PCOLCE2: variants seen among roughly 807,000 people sequenced by gnomAD.
The protein encoded by PCOLCE2 is procollagen C-endopeptidase enhancer 2.
Under a neutral mutation model 47.0 loss-of-function variants are expected in PCOLCE2, and 42 were observed. The ratio of observed to expected loss-of-function variants is 0.89; its 90% CI spans 0.70 to 1.16. PCOLCE2 has a LOEUF of 1.16. Ranked by LOEUF, PCOLCE2 falls within the 50% of genes most tolerant of loss-of-function variation. The probability of loss-of-function intolerance (pLI) is 0.00; values close to 1 mark genes in which losing one functional copy is unlikely to be tolerated. For missense variants in PCOLCE2, 500 were observed against 526.1 expected (o/e 0.95, Z 0.49); for synonymous variants, 169 against 191.7 (o/e 0.88, Z 0.98).
chr3:142,871,572 C>T (rs1234958450), intron 2 of PCOLCE2, among the ~76,000 whole-genome samples: 4 of 152,138 alleles, frequency 2.6e-5, no homozygotes, highest in African/African-American at 9.7e-5. Context: ...AGAGATTATC[C>T]TCGATAATGT....
At chr3:142,863,892 C>T (rs1329351915) in intron 2 of PCOLCE2, 2 of 152,090 alleles carry the variant, frequency 1.3e-5, no homozygotes, top group Non-Finnish European at 2.9e-5. Context: ...AGAAAAACCT[C>T]ATGATTCCTG....
At chr3:142,867,635 G>C (rs1056125439) in intron 2 of PCOLCE2, among the ~76,000 whole-genome samples, 2 of 151,796 alleles carry the variant, frequency 1.3e-5, no homozygotes, top group Non-Finnish European at 1.5e-5. Context: ...TAGCCATCAG[G>C]GAAATGACAA....
chr3:142,873,457 T>C lies in PCOLCE2; in HGVS notation c.192+14212A>G, dbSNP rs896000325. Among the ~76,000 whole-genome samples the C allele has an allele frequency of 3.3e-5, 5 of 152,004 alleles. No homozygotes were observed. The East Asian group carries it at 9.6e-4, about 29-fold the overall frequency. The stretch of plus-strand genomic sequence containing the variant: ...CTACCTATATAATATACTCTCTTAA[T>C]TCACATTAACTGTTAATCTATTTCC... On this transcript the variant is annotated intron_variant, in intron 2 of 8. Coordinates refer to ENST00000295992, the MANE Select transcript of PCOLCE2 (RefSeq NM_013363.4).
At position 142,881,625 on chromosome 3, in the gene PCOLCE2, G is replaced by A. The variant is rs117156817; in HGVS notation, c.192+6044C>T. 1.7e-4 allele frequency among the ~76,000 whole-genome samples: 26 copies of A among 152,218 alleles called. 1 individual carries two copies. The East Asian group carries it at 5.0e-3, about 29-fold the overall frequency. ...CTACGACACTGTACAGCATGTTCCTGTACTGAACACTGTAGGCAAATGTAA... is the reference window on the plus strand; with the variant it reads ...CTACGACACTGTACAGCATGTTCCTATACTGAACACTGTAGGCAAATGTAA... On this transcript the variant is annotated intron_variant, in intron 2 of 8. Coordinates refer to ENST00000295992, the MANE Select transcript of PCOLCE2 (RefSeq NM_013363.4).
chr3:142,866,469 T>C (rs1050193152), intron 2 of PCOLCE2, among the ~76,000 whole-genome samples: 1 of 152,152 alleles, frequency 6.6e-6, no homozygotes, highest in African/African-American at 2.4e-5. Flanking sequence ...GCCTCTATAA[T>C]TGCATGAGCC....
chr3:142,888,263 G>A (rs1435673734), intron 1 of PCOLCE2, among the ~76,000 whole-genome samples: 1 of 152,236 alleles, frequency 6.6e-6, no homozygotes, highest in Non-Finnish European at 1.5e-5. Flanking sequence ...TCGAAAGGGA[G>A]GCTGATGTTG....
At position 142,829,818 on chromosome 3, in the gene PCOLCE2, G is replaced by C; in HGVS notation, c.739C>G (p.Leu247Val). 6.3e-7 allele frequency: 1 copy of C among 1,595,144 alleles called. No homozygotes were observed. Among genetic ancestry groups the C allele is most frequent in the East Asian group, 2.2e-5 (1 of 44,580 alleles). ...CTTAAGTCTGATAAAAACTGAATAA[G>C]AAGTTCATTTCTCTCAGACACAATT... ...APIVSERNEL[L>V]IQFLSDLSLT... The change falls in exon 6 of 9, where the codon CTT becomes GTT. Residue 247 changes from leucine (L) to valine (V), a missense_variant. Physicochemically the swap from Leu to Val is conservative, Grantham distance 32. Coordinates refer to ENST00000295992, the MANE Select transcript of PCOLCE2 (RefSeq NM_013363.4).
chr3:142,845,938 G>A (rs376083957), intron 3 of PCOLCE2, among the ~76,000 whole-genome samples: 1 of 152,060 alleles, frequency 6.6e-6, no homozygotes, highest in Non-Finnish European at 1.5e-5. Flanking sequence ...TAGCACCACT[G>A]CACTCCAGCC....
chr3:142,848,168 A>C (rs1255522694), intron 3 of PCOLCE2, 49 bp downstream of exon 3: 1 of 1,583,702 alleles, frequency 6.3e-7, no homozygotes. Flanking sequence ...AGTGCCAAGA[A>C]CAGTGAACCA....
At chr3:142,876,872 G>T (rs1261469402) in intron 2 of PCOLCE2, among the ~76,000 whole-genome samples, 2 of 152,166 alleles carry the variant, frequency 1.3e-5, no homozygotes, top group African/African-American at 4.8e-5. Flanking sequence ...ATTCAATGCT[G>T]GGGGATGCCA....
intron 6 of PCOLCE2, among the ~76,000 whole-genome samples, chr3:142,827,901 G>T (rs73232728): frequency 0.086 from 13,140 of 152,242 alleles, 662 homozygotes; most frequent in Middle Eastern, 0.12. Flanking sequence ...AACAGTGGCA[G>T]TATCCCCCTA....
intron 2 of PCOLCE2, among the ~76,000 whole-genome samples, chr3:142,880,905 C>G (rs945348497): frequency 6.6e-6 from 1 of 152,114 alleles, no homozygotes; most frequent in Non-Finnish European, 1.5e-5. Context: ...ACTCTTTGCA[C>G]GAAGCAATAA....
At chr3:142,872,599 C>T (rs1933412642) in intron 2 of PCOLCE2, among the ~76,000 whole-genome samples, 1 of 152,168 alleles carries the variant, frequency 6.6e-6, no homozygotes, top group Non-Finnish European at 1.5e-5. Context: ...AAAATAATCT[C>T]ATTGATCCCC....
chr3:142,844,747 C>T (rs1382724595), intron 3 of PCOLCE2, among the ~76,000 whole-genome samples: 1 of 152,098 alleles, frequency 6.6e-6, no homozygotes, highest in East Asian at 1.9e-4. Context: ...GGAATCTTTA[C>T]CTTTTTATCG....
At chr3:142,867,653 CACA>C (rs148956651) in intron 2 of PCOLCE2, among the ~76,000 whole-genome samples, 8,680 of 152,112 alleles carry the variant, frequency 0.057, 251 homozygotes, top group African/African-American at 0.063. Context: ...CAACTAAAAT[CACA>C]ACGTGATATG....
intron 2 of PCOLCE2, among the ~76,000 whole-genome samples, chr3:142,863,181 T>C (rs921170371): frequency 1.3e-5 from 2 of 150,328 alleles, no homozygotes; most frequent in Non-Finnish European, 2.9e-5. Flanking sequence ...GTTCACTTAA[T>C]GTGGCAGAGG....
chr3:142,827,032 T>C (rs949839220), intron 6 of PCOLCE2: 1 of 841,858 alleles, frequency 1.2e-6, no homozygotes, highest in Non-Finnish European at 1.9e-6. Flanking sequence ...GTTTCAACTA[T>C]CTATATATTG....
At chr3:142,827,118 G>A (rs966857828) in intron 6 of PCOLCE2, 3 of 1,446,968 alleles carry the variant, frequency 2.1e-6, no homozygotes, top group African/African-American at 2.8e-5. Flanking sequence ...CTCCTGCACA[G>A]TCTTGGTTCC....
chr3:142,866,449 G>C (rs572480739), intron 2 of PCOLCE2, among the ~76,000 whole-genome samples: 33 of 152,126 alleles, frequency 2.2e-4, no homozygotes, highest in Admixed American at 9.8e-4. Context: ...GCAGATGGTG[G>C]GACTTCTCAG....
Sources: allele counts gnomAD v4.1 joint callset (sites outside exome capture counted in the v4.1 genomes callset), GRCh38; gene constraint gnomAD v4.1.1; transcripts MANE v1.5; gene names NCBI Gene and HGNC (gene_info 2026-07-23, HGNC 2026-07-21).